Variants in CCSER2 observed in about 807,000 individuals in gnomAD.
CCSER2 encodes the protein coiled-coil serine rich protein 2.
In CCSER2, 46 loss-of-function variants were observed where a neutral mutation model predicts 92.3. The observed-to-expected ratio is 0.50, with a 90% CI of 0.39 to 0.64. The LOEUF (loss-of-function observed/expected upper bound fraction) is 0.64, where lower values mean the gene tolerates loss of function less well. Among genes scored for constraint, CCSER2 ranks in the 30% least tolerant of loss-of-function variants. The pLI, the probability that CCSER2 is intolerant of heterozygous loss-of-function variation, is 0.00. For missense variants in CCSER2, 1,244 were observed against 1,238.9 expected, an observed-to-expected ratio of 1.00 and a Z score of -0.06; for synonymous variants, 433 against 431.4, an observed-to-expected ratio of 1.00 and a Z score of -0.04.
intron 9 of CCSER2, among the ~76,000 whole-genome samples, chr10:84,489,169 A>G (rs890669777): frequency 1.7e-4 from 26 of 152,136 alleles, no homozygotes; most frequent in South Asian, 2.1e-4. Flanking sequence ...TCTGTGGTCA[A>G]TTTTGGAATA....
At position 84,372,393 on chromosome 10, in the gene CCSER2, G is replaced by T. The variant is rs772979371; in HGVS notation, c.1341G>T (p.Gln447His). 1.2e-6 allele frequency: 2 copies of T among 1,607,594 alleles called. No individual in the cohort carries two copies. The highest frequency in any genetic ancestry group is 2.2e-5 in the South Asian group (2 of 89,306). Residue 447 changes from glutamine (Q) to histidine (H), a missense_variant, in exon 2 of 10, where the codon CAG (glutamine) becomes CAT (histidine). Transcript: ENST00000372088. ...KEEKHENGPPQDMFDSPKENE... is the reference protein window; with the variant it reads ...KEEKHENGPPHDMFDSPKENE... The stretch of plus-strand genomic sequence containing the variant: ...AGAAACATGAAAATGGGCCACCACA[G>T]GATATGTTTGATTCCCCCAAGGAAA...
chr10:84,446,690 A>G (rs1322441843), intron 6 of CCSER2, among the ~76,000 whole-genome samples: 1 of 152,186 alleles, frequency 6.6e-6, no homozygotes, highest in African/African-American at 2.4e-5. Context: ...ACCCACCCAG[A>G]TTAAGAAATA....
chr10:84,459,711 A>G (rs1430595506), intron 6 of CCSER2, among the ~76,000 whole-genome samples: 1 of 152,016 alleles, frequency 6.6e-6, no homozygotes, highest in East Asian at 1.9e-4. Context: ...TTTGGTAGAG[A>G]CAGAGTTTTA....
intron 5 of CCSER2, among the ~76,000 whole-genome samples, chr10:84,426,932 G>A (rs2133439754): frequency 6.6e-6 from 1 of 152,304 alleles, no homozygotes; most frequent in East Asian, 1.9e-4. Context: ...AGAAAAGAGA[G>A]GGTCCCTGGT....
rs67106487 is a variant in CCSER2 at position 84,470,013 on chromosome 10, AT to A, written c.2149-335del. On this transcript the variant is annotated intron_variant, in intron 7 of 9. Transcript: ENST00000372088. ...AGCTGAAGTTGCTTTTTTGTATGTGATTTTTTTTTTTTTTTTTTTTTTTTAC... is the reference window on the plus strand; with the variant it reads ...AGCTGAAGTTGCTTTTTTGTATGTGATTTTTTTTTTTTTTTTTTTTTTTAC... Among the ~76,000 whole-genome samples, 420 of 96,518 alleles carry A rather than the reference AT, an allele frequency of 4.4e-3. 1 individual carries two copies. The highest frequency in any genetic ancestry group is 0.01 in the African/African-American group (251 of 24,938). 63.3% of individuals were successfully genotyped at this position (96,518 alleles called of 152,430 possible).
In CCSER2 at chr10:84,397,577, AATAT is replaced by A. The variant is rs531005754; in HGVS notation, c.1615-20189_1615-20186del. 5.3e-3 allele frequency among the ~76,000 whole-genome samples: 804 copies of A among 152,348 alleles called. 3 individuals carry two copies. The highest frequency in any genetic ancestry group is 0.019 in the South Asian group (94 of 4,830). ...ATGCACTTGGCATTTTGATTTATTA[AATAT>A]ATATGTTAACTGAAGTCTGCCACCG... On this transcript the variant is annotated intron_variant, in intron 3 of 9. Coordinates refer to ENST00000372088, the MANE Select transcript of CCSER2 (RefSeq NM_001284240.2).
At chr10:84,416,424 T>G (rs1004120186) in intron 3 of CCSER2, among the ~76,000 whole-genome samples, 15 of 152,180 alleles carry the variant, frequency 9.9e-5, no homozygotes, top group African/African-American at 3.6e-4. Flanking sequence ...ATGTGTACAG[T>G]TTAATTGCAT....
At chr10:84,456,571 A>G (rs143473748) in intron 6 of CCSER2, among the ~76,000 whole-genome samples, 126 of 152,302 alleles carry the variant, frequency 8.3e-4, no homozygotes, top group African/African-American at 2.7e-3. Context: ...TCATGTGAGC[A>G]TGTGTTTTTA....
At chr10:84,492,065 G>A (rs1848203465) in intron 9 of CCSER2, among the ~76,000 whole-genome samples, 2 of 152,120 alleles carry the variant, frequency 1.3e-5, no homozygotes, top group South Asian at 2.1e-4. Context: ...GGATCACGAG[G>A]TCAGGAGATG....
intron 9 of CCSER2, among the ~76,000 whole-genome samples, chr10:84,491,576 A>G (rs577899642): frequency 6.6e-6 from 1 of 152,250 alleles, no homozygotes; most frequent in Admixed American, 6.5e-5. Flanking sequence ...GCCGTTTGCT[A>G]AGACTGTTGG....
At chr10:84,381,903 G>A (rs1840927400) in intron 3 of CCSER2, among the ~76,000 whole-genome samples, 1 of 133,706 alleles carries the variant, frequency 7.5e-6, no homozygotes, top group Non-Finnish European at 1.6e-5. Context: ...CTGGGTGACA[G>A]AGCAAGGCTT....
intron 9 of CCSER2, among the ~76,000 whole-genome samples, chr10:84,508,963 G>C (rs1849210433): frequency 6.6e-6 from 1 of 152,154 alleles, no homozygotes; most frequent in East Asian, 1.9e-4. Context: ...GTAGCTGAAT[G>C]CTTGTTAAGA....
chr10:84,514,167 A>G lies in CCSER2; in HGVS notation c.3044A>G (p.Gln1015Arg). 1.5e-5 allele frequency: 23 copies of G among 1,536,330 alleles called. No individual in the cohort carries two copies. The highest frequency in any genetic ancestry group is 2.0e-5 in the Non-Finnish European group (23 of 1,146,932). The change falls in exon 10 of 10, where the codon CAA becomes CGA. Residue 1015 changes from glutamine to arginine, a missense_variant. Physicochemically the swap from Gln to Arg is conservative, Grantham distance 43. Transcript: ENST00000372088. ...ACAAGCATCCCAAGGCCACTAACAC[A>G]ACGAAAAGAAATCATGCAGAATCCA... ...AKTSIPRPLT[Q>R]RKEIMQNPNG...
At chr10:84,483,995 A>ATATATATATATATG (rs1564711747) in intron 9 of CCSER2, among the ~76,000 whole-genome samples, 50 of 72,326 alleles carry the variant, frequency 6.9e-4, no homozygotes, top group Non-Finnish European at 8.2e-4. Flanking sequence ...ATATATATAT[A>ATATATATATATATG]TAATTTTTTT....
At chr10:84,429,993 T>C (rs1843675091) in intron 5 of CCSER2, among the ~76,000 whole-genome samples, 1 of 152,128 alleles carries the variant, frequency 6.6e-6, no homozygotes, top group African/African-American at 2.4e-5. Context: ...CTGTAAAAAG[T>C]CTGTATTTTA....
At chr10:84,431,666 C>T (rs1006757228) in intron 5 of CCSER2, among the ~76,000 whole-genome samples, 7 of 151,924 alleles carry the variant, frequency 4.6e-5, no homozygotes, top group Admixed American at 4.6e-4. Flanking sequence ...CACTTGAGCC[C>T]AGGAGGTTGA....
intron 3 of CCSER2, among the ~76,000 whole-genome samples, chr10:84,405,091 C>T (rs576925715): frequency 6.6e-6 from 1 of 152,120 alleles, no homozygotes; most frequent in Non-Finnish European, 1.5e-5. Context: ...CTACAGCAAT[C>T]AGGACACTGT....
At chr10:84,463,873 G>T in intron 6 of CCSER2, 60 bp from the exon 7 acceptor site, 1 of 1,157,392 alleles carries the variant, frequency 8.6e-7, no homozygotes, top group South Asian at 1.3e-5. Context: ...AATTCAGGTT[G>T]AACTGAATGT....
intron 8 of CCSER2, among the ~76,000 whole-genome samples, chr10:84,474,852 T>G (rs546586617): frequency 6.6e-6 from 1 of 152,244 alleles, no homozygotes; most frequent in Non-Finnish European, 1.5e-5. Flanking sequence ...AAGTTCCGAG[T>G]AAAAGTCCCT....
Sources: allele counts gnomAD v4.1 joint callset (sites outside exome capture counted in the v4.1 genomes callset), GRCh38; gene constraint gnomAD v4.1.1; transcripts MANE v1.5; gene names NCBI Gene and HGNC (gene_info 2026-07-23, HGNC 2026-07-21).